Variants in RXFP1 observed in about 807,000 individuals in gnomAD.
RXFP1 encodes the protein relaxin family peptide receptor 1.
RXFP1 carries 73 observed loss-of-function variants against 89.8 expected under a neutral mutation model. The observed-to-expected ratio is 0.81, with a 90% CI of 0.67 to 0.99. The LOEUF (loss-of-function observed/expected upper bound fraction) is 0.99, where lower values mean the gene tolerates loss of function less well. Among genes scored for constraint, RXFP1 ranks in the 50% least tolerant of loss-of-function variants. The pLI is 0.00. For missense variants in RXFP1, 793 were observed against 895.5 expected (o/e 0.89, Z 1.46); for synonymous variants, 277 against 305.5 (o/e 0.91, Z 0.97).
intron 17 of RXFP1, 88 bp downstream of exon 17, chr4:158,648,805 A>G: frequency 1.2e-6 from 1 of 808,420 alleles, no homozygotes; most frequent in Non-Finnish European, 1.9e-6. Flanking sequence ...TCTTAACACT[A>G]AACAATTCAA....
intron 2 of RXFP1, among the ~76,000 whole-genome samples, chr4:158,582,477 A>G (rs1024551698): frequency 2.6e-5 from 4 of 152,084 alleles, no homozygotes; most frequent in Admixed American, 2.0e-4. Context: ...CCTCTGCCGT[A>G]AGTCACCACT....
At chr4:158,542,079 CTATATATATA>C (rs1553993932) in intron 1 of RXFP1, among the ~76,000 whole-genome samples, 13 of 29,834 alleles carry the variant, frequency 4.4e-4, no homozygotes, top group African/African-American at 1.1e-3. Context: ...GCCACCATGG[CTATATATATA>C]TATATATATA....
At chr4:158,536,585 C>T (rs1279256629) in intron 1 of RXFP1, among the ~76,000 whole-genome samples, 1 of 152,042 alleles carries the variant, frequency 6.6e-6, no homozygotes, top group African/African-American at 2.4e-5. Context: ...ATTATTAACC[C>T]AAGTATTGAA....
rs951851424 is a variant in RXFP1, at chr4:158,572,793, G to A, written c.145G>A (p.Gly49Ser). 1.9e-6 allele frequency: 3 copies of A among 1,614,190 alleles called. No homozygotes were observed. The highest frequency in any genetic ancestry group is 1.1e-5 in the South Asian group (1 of 91,076). The change falls in exon 2 of 18, where the codon GGT becomes AGT. Residue 49 changes from glycine (G) to serine (S), a missense_variant. Transcript: ENST00000307765. ...CTTGCCTCAGCTCCTGCACTGTAAC[G>A]GTGTGGACGACTGCGGGAATCAGGC... The part of the protein sequence containing the change: ...KCLPQLLHCN[G>S]VDDCGNQADE...
intron 1 of RXFP1, 124 bp from the exon 2 acceptor site, chr4:158,572,574 G>T: frequency 2.4e-6 from 2 of 847,080 alleles, no homozygotes; most frequent in Admixed American, 3.9e-5. Flanking sequence ...ACTGGCATCA[G>T]GGTTGTATGT....
At chr4:158,623,042 G>A (rs1035042655) in intron 9 of RXFP1, among the ~76,000 whole-genome samples, 1 of 152,116 alleles carries the variant, frequency 6.6e-6, no homozygotes, top group African/African-American at 2.4e-5. Flanking sequence ...ATCTAAGTAG[G>A]TGGAATTCTG....
intron 1 of RXFP1, among the ~76,000 whole-genome samples, chr4:158,556,752 A>G (rs1221443537): frequency 1.3e-5 from 2 of 152,218 alleles, no homozygotes; most frequent in Non-Finnish European, 2.9e-5. Context: ...TCAGCCATAA[A>G]AAAGAATTAA....
intron 6 of RXFP1, 76 bp from the exon 7 acceptor site, chr4:158,612,054 G>A (rs1183543029): frequency 8.2e-7 from 1 of 1,221,164 alleles, no homozygotes; most frequent in Non-Finnish European, 1.2e-6. Context: ...TAAGATGGAT[G>A]ATTATTGTTT....
chr4:158,639,981 C>A (rs542691338), intron 14 of RXFP1, among the ~76,000 whole-genome samples: 1 of 152,326 alleles, frequency 6.6e-6, no homozygotes, highest in African/African-American at 2.4e-5. Context: ...GACACTGAAT[C>A]TGCTGGCACC....
chr4:158,560,743 T>C (rs1029175544), intron 1 of RXFP1, among the ~76,000 whole-genome samples: 3 of 152,200 alleles, frequency 2.0e-5, no homozygotes, highest in Non-Finnish European at 2.9e-5. Context: ...CCCATCATGT[T>C]CAAGGCAGAA....
At chr4:158,592,279 T>G (rs1471858327) in intron 2 of RXFP1, among the ~76,000 whole-genome samples, 1 of 152,186 alleles carries the variant, frequency 6.6e-6, no homozygotes, top group East Asian at 1.9e-4. Flanking sequence ...TCTTTCTTTC[T>G]TAAAAGTTAA....
At chr4:158,637,875 G>A (rs926591330) in intron 12 of RXFP1, 133 bp from the exon 13 acceptor site, 2 of 618,546 alleles carry the variant, frequency 3.2e-6, no homozygotes, top group African/African-American at 1.9e-5. Context: ...TACAGTTTAA[G>A]TCTTTCATCC....
At chr4:158,601,150 A>G (rs770148400) in intron 4 of RXFP1, among the ~76,000 whole-genome samples, 12 of 151,980 alleles carry the variant, frequency 7.9e-5, no homozygotes, top group Non-Finnish European at 1.6e-4. Context: ...ATGATCTAGT[A>G]TACACATACA....
chr4:158,544,436 C>CTT, intron 1 of RXFP1: 2 of 554,438 alleles, frequency 3.6e-6, no homozygotes, highest in Non-Finnish European at 2.3e-6. Context: ...TGACCTTCAT[C>CTT]TTTTTTTTTT....
At chr4:158,524,585 T>C (rs1560937386) in intron 1 of RXFP1, among the ~76,000 whole-genome samples, 1 of 152,216 alleles carries the variant, frequency 6.6e-6, no homozygotes, top group Non-Finnish European at 1.5e-5. Flanking sequence ...TCTTTAAAAA[T>C]CCTTCTGTCC....
intron 8 of RXFP1, among the ~76,000 whole-genome samples, chr4:158,614,132 T>C (rs141611172): frequency 7.9e-5 from 12 of 152,334 alleles, no homozygotes; most frequent in African/African-American, 2.2e-4. Flanking sequence ...TGTAAACAGA[T>C]GTGCTGTCAC....
chr4:158,627,295 T>C (rs1554019930), intron 10 of RXFP1, among the ~76,000 whole-genome samples: 1 of 151,436 alleles, frequency 6.6e-6, no homozygotes, highest in Non-Finnish European at 1.5e-5. Flanking sequence ...CTTCCTTCAG[T>C]AAAAAAAAAT....
In RXFP1 at chr4:158,638,060, C is replaced by T. The variant is rs1769561466; in HGVS notation, c.1024C>T (p.Leu342Phe). Residue 342 changes from leucine (L) to phenylalanine (F), a missense_variant, in exon 13 of 18, where the codon CTT (leucine) becomes TTT (phenylalanine). Coordinates refer to ENST00000307765, the MANE Select transcript of RXFP1 (RefSeq NM_021634.4). Reference protein sequence around the residue: ...QKIQANQFDYLVKLKSLSLEG... With the variant: ...QKIQANQFDYFVKLKSLSLEG... ...AATTCAAGCAAACCAATTTGATTATCTTGTCAAACTCAAGTCTCTGTAAGT... is the reference window on the plus strand; with the variant it reads ...AATTCAAGCAAACCAATTTGATTATTTTGTCAAACTCAAGTCTCTGTAAGT... 1 of 1,599,528 alleles carries T rather than the reference C, an allele frequency of 6.3e-7. No homozygotes were observed. Among genetic ancestry groups the T allele is most frequent in the African/African-American group, 1.3e-5 (1 of 74,526 alleles).
At chr4:158,607,226 A>G (rs1271328283) in intron 5 of RXFP1, 2 of 864,576 alleles carry the variant, frequency 2.3e-6, no homozygotes, top group Non-Finnish European at 3.7e-6. Flanking sequence ...AGTTAACTCA[A>G]GGTCGTATTT....
Sources: allele counts gnomAD v4.1 joint callset (sites outside exome capture counted in the v4.1 genomes callset), GRCh38; gene constraint gnomAD v4.1.1; transcripts MANE v1.5; gene names NCBI Gene and HGNC (gene_info 2026-07-23, HGNC 2026-07-21).